The following MTCL3 variants were observed in gnomAD, a reference collection of about 807,000 sequenced individuals.
The protein encoded by MTCL3 is MTCL family member 3, also known as microtubule cross-linking factor 3.
At chr6:127,514,714 T>G in the MTCL3 span, 2 of 826,790 alleles carry the variant, frequency 2.4e-6, no homozygotes, top group Non-Finnish European at 3.8e-6. Flanking sequence ...ACTGTGTCCC[T>G]AAGGCTCCTT....
chr6:127,516,144 G>T, the MTCL3 span: 1 of 1,447,010 alleles, frequency 6.9e-7, no homozygotes. Context: ...GGGGTTCCCC[G>T]AGTTTCGAGG....
At chr6:127,515,813 G>T in the MTCL3 span, 5 of 1,607,578 alleles carry the variant, frequency 3.1e-6, no homozygotes, top group Non-Finnish European at 4.2e-6. This position sits in a 1 kb window ranked among gnomAD's most constrained non-coding sequence, Gnocchi z 4.3. Flanking sequence ...GCTGCCGCCC[G>T]CTCCTTCTTG....
chr6:127,503,676 C>T, the MTCL3 span, among the ~76,000 whole-genome samples: 1 of 152,128 alleles, frequency 6.6e-6, no homozygotes, highest in Non-Finnish European at 1.5e-5. Flanking sequence ...CAGGGAAGAC[C>T]TGTTGTTTCT....
At chr6:127,504,102 G>T in the MTCL3 span, among the ~76,000 whole-genome samples, 2 of 152,098 alleles carry the variant, frequency 1.3e-5, no homozygotes, top group African/African-American at 2.4e-5. Context: ...TACAAATCAA[G>T]TAAAAAATAA....
At chr6:127,511,308 AG>A in the MTCL3 span, among the ~76,000 whole-genome samples, 6 of 152,368 alleles carry the variant, frequency 3.9e-5, no homozygotes, top group South Asian at 1.0e-3. Flanking sequence ...GCTACCCTAG[AG>A]AACTAATACA....
At chr6:127,499,117 C>A in the MTCL3 span, among the ~76,000 whole-genome samples, 1 of 151,946 alleles carries the variant, frequency 6.6e-6, no homozygotes, top group African/African-American at 2.4e-5. Flanking sequence ...TTTAAAAAGT[C>A]AGCTAAAAAA....
At chr6:127,512,678 C>T in the MTCL3 span, among the ~76,000 whole-genome samples, 1 of 152,122 alleles carries the variant, frequency 6.6e-6, no homozygotes, top group Non-Finnish European at 1.5e-5. Flanking sequence ...AGTCAAAGCT[C>T]GTACATGTCG....
At chr6:127,494,391 T>C in the MTCL3 span, among the ~76,000 whole-genome samples, 5 of 152,090 alleles carry the variant, frequency 3.3e-5, no homozygotes, top group Non-Finnish European at 7.4e-5. Flanking sequence ...AATAGAGGCT[T>C]CTCTTGTTAA....
At chr6:127,509,889 C>T in the MTCL3 span, among the ~76,000 whole-genome samples, 1 of 152,204 alleles carries the variant, frequency 6.6e-6, no homozygotes, top group Non-Finnish European at 1.5e-5. Context: ...CTGAATGAAA[C>T]ATTTCTGATT....
At chr6:127,481,307 G>A in the MTCL3 span, 1 of 985,382 alleles carries the variant, frequency 1.0e-6, no homozygotes, top group South Asian at 4.7e-5. Flanking sequence ...TTTAGAGTGA[G>A]TTGGATAAAG....
At chr6:127,495,025 G>A in the MTCL3 span, among the ~76,000 whole-genome samples, 14 of 151,882 alleles carry the variant, frequency 9.2e-5, no homozygotes, top group South Asian at 6.2e-4. Flanking sequence ...GTGAGACCCC[G>A]TCTCTACTAA....
At chr6:127,491,505 T>C in the MTCL3 span, among the ~76,000 whole-genome samples, 1 of 152,212 alleles carries the variant, frequency 6.6e-6, no homozygotes, top group African/African-American at 2.4e-5. Flanking sequence ...ATATACTTTT[T>C]TTAGATACCA....
chr6:127,490,228 C>G, the MTCL3 span, among the ~76,000 whole-genome samples: 1 of 152,076 alleles, frequency 6.6e-6, no homozygotes, highest in South Asian at 2.1e-4. Flanking sequence ...CTTTTGAGAC[C>G]TACTGCTCAG....
chr6:127,496,945 T>C, the MTCL3 span, among the ~76,000 whole-genome samples: 6 of 152,326 alleles, frequency 3.9e-5, no homozygotes, highest in African/African-American at 1.4e-4. Context: ...ATTTCATTTA[T>C]ATGAAATGTC....
chr6:127,514,986 T>C, the MTCL3 span: 3 of 1,614,132 alleles, frequency 1.9e-6, no homozygotes, highest in Admixed American at 5.0e-5. Flanking sequence ...TTGACAGGCA[T>C]CCTCCTCGAA....
chr6:127,505,792 C>T, the MTCL3 span, among the ~76,000 whole-genome samples: 1 of 152,110 alleles, frequency 6.6e-6, no homozygotes, highest in Non-Finnish European at 1.5e-5. Flanking sequence ...TTTAATGCAA[C>T]GCTTTGCCAT....
the MTCL3 span, among the ~76,000 whole-genome samples, chr6:127,496,976 A>AT: frequency 6.6e-6 from 1 of 152,222 alleles, no homozygotes; most frequent in East Asian, 1.9e-4. Context: ...AAATTCATAG[A>AT]TAAAAGAAGT....
the MTCL3 span, among the ~76,000 whole-genome samples, chr6:127,510,136 A>G: frequency 1.3e-5 from 2 of 152,248 alleles, no homozygotes; most frequent in East Asian, 3.9e-4. Context: ...TTTTCCTAAT[A>G]AAAGATTACT....
At chr6:127,508,714 TTGG>T in the MTCL3 span, among the ~76,000 whole-genome samples, 1 of 152,236 alleles carries the variant, frequency 6.6e-6, no homozygotes, top group Non-Finnish European at 1.5e-5. Flanking sequence ...TGCTCTTCTG[TTGG>T]TGAATTCTTT....
Sources: allele counts gnomAD v4.1 joint callset (sites outside exome capture counted in the v4.1 genomes callset), GRCh38; gene constraint gnomAD v4.1.1; non-coding constraint Gnocchi (gnomAD v3.1); transcripts MANE v1.5; gene names NCBI Gene and HGNC (gene_info 2026-07-23, HGNC 2026-07-21).